Variants in SRPK2 observed in about 807,000 individuals in gnomAD.
SRPK2 encodes the protein SRSF protein kinase 2, also known as SFRS protein kinase 2.
SRPK2 carries 21 observed loss-of-function variants against 90.8 expected under a neutral mutation model. The observed-to-expected ratio is 0.23, with a 90% CI of 0.16 to 0.33. The LOEUF is 0.33. Ranked by LOEUF, SRPK2 falls within the 10% of genes least tolerant of loss-of-function variation. The pLI is 1.00. For synonymous variants in SRPK2, 288 were observed against 311.1 expected, an observed-to-expected ratio of 0.93 and a Z score of 0.78; for missense variants, 620 against 869.0, an observed-to-expected ratio of 0.71 and a Z score of 3.60.
In SRPK2 at chr7:105,373,960, C is replaced by T. The variant is rs558648818; in HGVS notation, c.71+14688G>A. Among the ~76,000 whole-genome samples the T allele has an allele frequency of 2.6e-5, 4 of 152,296 alleles. No homozygotes were observed. In the East Asian group the frequency reaches 5.8e-4, roughly 22 times the overall value. ...CTTTCTTTTTTGAGATGGAGTCTTG[C>T]TCTGTCGCCCACGCTGGAGTGCAGT... is the stretch of plus-strand genomic sequence containing the variant. On this transcript the variant is annotated intron_variant, in intron 2 of 15. Coordinates refer to ENST00000393651, the MANE Select transcript of SRPK2 (RefSeq NM_182692.3).
At chr7:105,244,948 A>C (rs1244170028) in intron 2 of SRPK2, 4 of 1,466,980 alleles carry the variant, frequency 2.7e-6, no homozygotes, top group African/African-American at 1.4e-5. Flanking sequence ...GCCATGAGGA[A>C]AGCCGCTGCC....
rs562041268 is a variant in SRPK2, at chr7:105,117,224, G to C, written c.*614C>G. On this transcript the variant is annotated 3_prime_UTR_variant, in exon 16 of 16. Transcript: ENST00000393651. Reference sequence around the variant, plus strand: ...TGAAAAGACTGTTATGGAATGAAAAGTTTGCACAACTCCTTGGAGCAGTTA... The same window carrying C: ...TGAAAAGACTGTTATGGAATGAAAACTTTGCACAACTCCTTGGAGCAGTTA... The C allele has an allele frequency of 2.0e-5, 3 of 152,580 alleles. No homozygotes were observed. The South Asian group carries it at 6.2e-4, about 32-fold the overall frequency. The allele number at this position is 152,580 out of a possible 1,614,324, so 9.5% of individuals were successfully genotyped here.
intron 2 of SRPK2, among the ~76,000 whole-genome samples, chr7:105,260,670 TG>T (rs1804102080): frequency 2.0e-5 from 3 of 152,206 alleles, no homozygotes; most frequent in Admixed American, 2.0e-4. Flanking sequence ...TAAGAAAATG[TG>T]GCACATGTAC....
chr7:105,250,429 T>C (rs377698399), intron 2 of SRPK2, among the ~76,000 whole-genome samples: 2 of 151,806 alleles, frequency 1.3e-5, no homozygotes, highest in South Asian at 2.1e-4. Flanking sequence ...AAAAACCTGA[T>C]GTGTTGCATC....
At chr7:105,165,033 C>CA (rs768011935) in intron 6 of SRPK2, among the ~76,000 whole-genome samples, 20 of 152,106 alleles carry the variant, frequency 1.3e-4, no homozygotes, top group Non-Finnish European at 2.2e-4. Context: ...TCAGAGGATC[C>CA]AACACCCACA....
intron 3 of SRPK2, among the ~76,000 whole-genome samples, chr7:105,200,894 AC>A (rs1795459333): frequency 6.6e-6 from 1 of 152,214 alleles, no homozygotes; most frequent in Non-Finnish European, 1.5e-5. Flanking sequence ...AATGGACAAC[AC>A]TGGGCAACTG....
At chr7:105,389,367 C>G, upstream of SRPK2, 1 of 1,269,268 alleles carries the variant, frequency 7.9e-7, no homozygotes, top group Non-Finnish European at 1.0e-6. Context: ...CCTTGCAACC[C>G]CATGAGCGCC....
intron 1 of SRPK2, among the ~76,000 whole-genome samples, chr7:105,395,593 G>T (rs771992588): frequency 2.0e-5 from 3 of 152,076 alleles, no homozygotes; most frequent in Non-Finnish European, 4.4e-5. Flanking sequence ...AGCGGGGTAT[G>T]GTTGTGCACC....
intron 2 of SRPK2, among the ~76,000 whole-genome samples, chr7:105,295,210 CAA>C (rs10609905): frequency 0.44 from 62,361 of 141,026 alleles, 14,524 homozygotes; most frequent in Non-Finnish European, 0.53. Context: ...GAACCCGTCT[CAA>C]AAAAAAAAAA....
intron 2 of SRPK2, among the ~76,000 whole-genome samples, chr7:105,387,776 T>C (rs1163359110): frequency 6.6e-6 from 1 of 152,004 alleles, no homozygotes; most frequent in Non-Finnish European, 1.5e-5. Flanking sequence ...CGCTGGTAAA[T>C]CAAAAAAATT....
intron 2 of SRPK2, among the ~76,000 whole-genome samples, chr7:105,387,845 C>G (rs1821801144): frequency 1.3e-5 from 2 of 152,210 alleles, no homozygotes; most frequent in African/African-American, 4.8e-5. Flanking sequence ...CGGAGCAGCT[C>G]TCCAGGAAAG....
intron 2 of SRPK2, among the ~76,000 whole-genome samples, chr7:105,238,129 A>G (rs1320202891): frequency 6.6e-6 from 1 of 152,232 alleles, no homozygotes; most frequent in African/African-American, 2.4e-5. Flanking sequence ...GCAAAGCAGC[A>G]TCACTTGAAT....
At position 105,169,166 on chromosome 7, in the gene SRPK2, C is replaced by A; in HGVS notation, c.329G>T (p.Trp110Leu). 1.2e-6 allele frequency: 2 copies of A among 1,612,348 alleles called. No individual in the cohort carries two copies. Among genetic ancestry groups the A allele is most frequent in the Non-Finnish European group, 1.7e-6 (2 of 1,179,520 alleles). Residue 110 changes from tryptophan (W) to leucine (L), a missense_variant, in exon 4 of 16, where the codon TGG becomes TTG. Coordinates refer to ENST00000393651, the MANE Select transcript of SRPK2 (RefSeq NM_182692.3). ...GACAAAGAACACTTACTGCATATCCCAGCACAGCCAGACAGTAGAGAAGTG... is the reference window on the plus strand; with the variant it reads ...GACAAAGAACACTTACTGCATATCCAAGCACAGCCAGACAGTAGAGAAGTG... ...WGHFSTVWLC[W>L]DMQGKRFVAM...
chr7:105,155,297 T>C (rs1026454422), intron 7 of SRPK2, among the ~76,000 whole-genome samples: 1 of 152,162 alleles, frequency 6.6e-6, no homozygotes, highest in Admixed American at 6.5e-5. Flanking sequence ...ATTCTTAATC[T>C]CCACAATCAA....
At chr7:105,385,352 GT>G (rs1409834466) in intron 2 of SRPK2, among the ~76,000 whole-genome samples, 3 of 148,216 alleles carry the variant, frequency 2.0e-5, no homozygotes, top group African/African-American at 7.5e-5. Context: ...GGCTAATTTT[GT>G]TTTTGTATTT....
chr7:105,294,512 TTTTTG>T (rs10594080), intron 2 of SRPK2, among the ~76,000 whole-genome samples: 107,044 of 149,836 alleles, frequency 0.71, 38,715 homozygotes, highest in African/African-American at 0.82. Flanking sequence ...TGTTGCTGTT[TTTTTG>T]TTTTGTTTTG....
At chr7:105,174,927 T>C (rs916413257) in intron 3 of SRPK2, among the ~76,000 whole-genome samples, 1 of 152,110 alleles carries the variant, frequency 6.6e-6, no homozygotes, top group Non-Finnish European at 1.5e-5. Context: ...GTGGATCACC[T>C]GAAGTCAGGA....
chr7:105,332,434 A>G (rs1422657250), intron 2 of SRPK2, among the ~76,000 whole-genome samples: 1 of 152,134 alleles, frequency 6.6e-6, no homozygotes, highest in Non-Finnish European at 1.5e-5. Flanking sequence ...AAAGATATCC[A>G]CAGGAGGAGA....
At chr7:105,166,055 A>G (rs569395602) in intron 6 of SRPK2, among the ~76,000 whole-genome samples, 44 of 152,228 alleles carry the variant, frequency 2.9e-4, no homozygotes, top group Non-Finnish European at 5.0e-4. Context: ...AAACGGACAC[A>G]TTACGACTAA....
Sources: gnomAD v4.1 joint callset for allele counts (sites outside exome capture counted in the v4.1 genomes callset) on GRCh38, gnomAD v4.1.1 for gene constraint, MANE v1.5 for transcripts, NCBI Gene and HGNC (gene_info 2026-07-23, HGNC 2026-07-21) for gene names.